Variants in ASTN2 observed in about 807,000 individuals in gnomAD.
ASTN2 encodes the protein astrotactin 2.
A neutral mutation model predicts 139.8 loss-of-function variants in ASTN2; 54 were observed. The ratio of observed to expected loss-of-function variants is 0.39; its 90% CI spans 0.31 to 0.48. ASTN2 has a LOEUF of 0.48. Ranked by LOEUF, ASTN2 falls within the 20% of genes least tolerant of loss-of-function variation. The pLI, the probability that ASTN2 is intolerant of heterozygous loss-of-function variation, is 0.95. For synonymous variants in ASTN2, 756 were observed against 719.5 expected, an observed-to-expected ratio of 1.05 and a Z score of -0.81; for missense variants, 1,565 against 1,725.1, an observed-to-expected ratio of 0.91 and a Z score of 1.64.
At chr9:116,960,659 C>T (rs553082680) in intron 10 of ASTN2, among the ~76,000 whole-genome samples, 3 of 151,888 alleles carry the variant, frequency 2.0e-5, no homozygotes, top group Non-Finnish European at 2.9e-5. Context: ...CAGTTGTAAC[C>T]CCCCAGAAAT....
intron 6 of ASTN2, among the ~76,000 whole-genome samples, chr9:117,025,371 G>A (rs1838035328): frequency 1.3e-5 from 2 of 152,152 alleles, no homozygotes; most frequent in Admixed American, 1.3e-4. Flanking sequence ...TTTTGGGGTA[G>A]CAGAAGCTGC....
intron 13 of ASTN2, among the ~76,000 whole-genome samples, chr9:116,779,488 C>A (rs934339342): frequency 5.0e-5 from 5 of 99,254 alleles, no homozygotes; most frequent in Admixed American, 1.3e-4. Flanking sequence ...TTATAAATTA[C>A]CCAGTCTCAG....
intron 20 of ASTN2, among the ~76,000 whole-genome samples, chr9:116,455,706 T>TA (rs1433365008): frequency 7.3e-6 from 1 of 136,382 alleles, no homozygotes; most frequent in Non-Finnish European, 1.6e-5. Context: ...ACAGCAACAA[T>TA]AAAAAAGGCC....
intron 2 of ASTN2, among the ~76,000 whole-genome samples, chr9:117,242,345 G>T (rs1336003027): frequency 2.0e-5 from 3 of 152,010 alleles, no homozygotes; most frequent in African/African-American, 4.8e-5. Flanking sequence ...TCTGCTGGTG[G>T]ATATAATTGA....
At chr9:117,210,568 C>T (rs1023756848) in intron 3 of ASTN2, among the ~76,000 whole-genome samples, 1 of 152,022 alleles carries the variant, frequency 6.6e-6, no homozygotes, top group Non-Finnish European at 1.5e-5. Flanking sequence ...TAATAAAAAG[C>T]CTTCCAACAA....
rs1442295868 is a variant in ASTN2, at chr9:116,976,799, G to A, written c.1592-14C>T. The A allele has an allele frequency of 1.2e-6, 2 of 1,611,704 alleles. No homozygotes were observed. The highest frequency in any genetic ancestry group is 1.7e-5 in the Admixed American group (1 of 59,700). The stretch of plus-strand genomic sequence containing the variant: ...AGCTGCACTCTCCTGTAAGTGAAAA[G>A]AAAAAAGATTATTGTTAAGTAGAGT... On this transcript the variant is annotated splice_polypyrimidine_tract_variant and intron_variant, in intron 7 of 22. Coordinates refer to ENST00000313400, the MANE Select transcript of ASTN2 (RefSeq NM_001365068.1).
In ASTN2 at chr9:117,384,555, A is replaced by T. The variant is rs930920703; in HGVS notation, c.442+29942T>A. On this transcript the variant is annotated intron_variant, in intron 1 of 22. Coordinates refer to ENST00000313400, the MANE Select transcript of ASTN2 (RefSeq NM_001365068.1). ...TCTATTTCAGCTCTAATGTTCTTTT[A>T]ATCCAACCTTGGTTCTCCCACTAAC... Among the ~76,000 whole-genome samples, 67 of 152,236 alleles carry T rather than the reference A, an allele frequency of 4.4e-4. 1 individual carries two copies. Among genetic ancestry groups the T allele is most frequent in the Admixed American group, 2.4e-3 (37 of 15,284 alleles).
At chr9:117,270,033 G>A (rs1283580668) in intron 2 of ASTN2, among the ~76,000 whole-genome samples, 1 of 152,178 alleles carries the variant, frequency 6.6e-6, no homozygotes, top group Non-Finnish European at 1.5e-5. Flanking sequence ...ATCACAAGTA[G>A]AGGTAATAGG....
chr9:116,686,873 C>CT (rs2132037618), intron 16 of ASTN2: 1 of 1,536,864 alleles, frequency 6.5e-7, no homozygotes, highest in African/African-American at 1.4e-5. Flanking sequence ...ACTGCCCTTC[C>CT]TAGGGAGTCC....
intron 10 of ASTN2, among the ~76,000 whole-genome samples, chr9:116,885,313 A>T (rs1833567310): frequency 6.6e-6 from 1 of 152,160 alleles, no homozygotes; most frequent in South Asian, 2.1e-4. Flanking sequence ...CATGTAACAA[A>T]ATATTAAAGG....
At chr9:116,516,927 G>A (rs1850676012) in intron 19 of ASTN2, among the ~76,000 whole-genome samples, 1 of 152,148 alleles carries the variant, frequency 6.6e-6, no homozygotes, top group African/African-American at 2.4e-5. Flanking sequence ...CATTGGCCTG[G>A]GAACCATACC....
Position 116,812,361 on chromosome 9 carries a change from G to A in ASTN2, c.2208-6541C>T, listed in dbSNP as rs180981849. On this transcript the variant is annotated intron_variant, in intron 12 of 22. Transcript: ENST00000313400. Reference sequence around the variant, plus strand: ...CAATGTCATCACATGTTTCCCATAAGAGGGAGATAAGCGTGTTAGTCAGAG... The same window carrying A: ...CAATGTCATCACATGTTTCCCATAAAAGGGAGATAAGCGTGTTAGTCAGAG... Among the ~76,000 whole-genome samples the A allele has an allele frequency of 2.6e-3, 394 of 152,078 alleles. 3 individuals are homozygous for A. Among genetic ancestry groups the A allele is most frequent in the Non-Finnish European group, 2.2e-3 (152 of 67,990 alleles).
intron 16 of ASTN2, among the ~76,000 whole-genome samples, chr9:116,687,917 G>C (rs1860355690): frequency 6.6e-6 from 1 of 151,952 alleles, no homozygotes; most frequent in South Asian, 2.1e-4. Context: ...TGAGATTGAG[G>C]GGGTGGGGTG....
chr9:116,448,486 T>C (rs1848075784), intron 20 of ASTN2, among the ~76,000 whole-genome samples: 1 of 152,212 alleles, frequency 6.6e-6, no homozygotes, highest in Admixed American at 6.5e-5. Flanking sequence ...AGGTTAGATC[T>C]AATATTCTAG....
At chr9:116,827,692 G>GAAC (rs765468729) in intron 11 of ASTN2, among the ~76,000 whole-genome samples, 1 of 152,112 alleles carries the variant, frequency 6.6e-6, no homozygotes, top group East Asian at 1.9e-4. Context: ...GGAAGAAACA[G>GAAC]AACTCCTGAA....
At chr9:116,617,358 C>T (rs1855908170) in intron 19 of ASTN2, among the ~76,000 whole-genome samples, 5 of 152,142 alleles carry the variant, frequency 3.3e-5, no homozygotes, top group Admixed American at 3.3e-4. Context: ...TCAGTCAACT[C>T]ATATTTGAAT....
chr9:116,631,923 G>C (rs972330298), intron 17 of ASTN2, among the ~76,000 whole-genome samples: 3 of 151,940 alleles, frequency 2.0e-5, no homozygotes, highest in African/African-American at 7.2e-5. Flanking sequence ...AGACCATCCT[G>C]GCCAACATAG....
In ASTN2 at chr9:116,721,007, G is replaced by A. The variant is rs533788041; in HGVS notation, c.2806+4764C>T. Among the ~76,000 whole-genome samples the A allele has an allele frequency of 2.0e-5, 3 of 152,234 alleles. No homozygotes were observed. In the South Asian group the frequency reaches 6.2e-4, roughly 32 times the overall value. ...TGCCCACACACATGTGTGCCTTCAC[G>A]CACATACATACACACAAACATACAC... On this transcript the variant is annotated intron_variant, in intron 16 of 22. Transcript: ENST00000313400.
At chr9:116,695,174 G>C (rs1319314365) in intron 16 of ASTN2, among the ~76,000 whole-genome samples, 1 of 152,184 alleles carries the variant, frequency 6.6e-6, no homozygotes, top group Non-Finnish European at 1.5e-5. Flanking sequence ...TGTACTTCAA[G>C]GTTCCACTAT....
Sources: allele counts gnomAD v4.1 joint callset (sites outside exome capture counted in the v4.1 genomes callset), GRCh38; gene constraint gnomAD v4.1.1; transcripts MANE v1.5; gene names NCBI Gene and HGNC (gene_info 2026-07-23, HGNC 2026-07-21).